Variants in PDHX observed in about 807,000 individuals in gnomAD.
PDHX encodes the protein pyruvate dehydrogenase protein X component, mitochondrial.
A neutral mutation model predicts 55.3 loss-of-function variants in PDHX; 33 were observed. The observed-to-expected ratio is 0.60, with a 90% CI of 0.45 to 0.80. PDHX has a LOEUF of 0.80. PDHX is among the 30% of genes least tolerant of loss of function. The pLI, the probability that PDHX is intolerant of heterozygous loss-of-function variation, is 0.00. For missense variants in PDHX, 622 were observed against 619.9 expected, an observed-to-expected ratio of 1.00 and a Z score of -0.04; for synonymous variants, 226 against 219.4, an observed-to-expected ratio of 1.03 and a Z score of -0.27.
intron 2 of PDHX, among the ~76,000 whole-genome samples, chr11:34,946,289 T>G (rs1454946395): frequency 6.6e-6 from 1 of 152,178 alleles, no homozygotes; most frequent in Non-Finnish European, 1.5e-5. Flanking sequence ...ATACCATTTT[T>G]TTTTAATTTC....
intron 3 of PDHX, among the ~76,000 whole-genome samples, chr11:34,951,148 C>T (rs1590746575): frequency 6.6e-6 from 1 of 150,738 alleles, no homozygotes; most frequent in Non-Finnish European, 1.5e-5. Context: ...GCTCCGCCTC[C>T]CGGGTTCACG....
At chr11:34,943,654 C>T (rs1854546892) in intron 2 of PDHX, among the ~76,000 whole-genome samples, 2 of 152,128 alleles carry the variant, frequency 1.3e-5, no homozygotes, top group Non-Finnish European at 2.9e-5. Flanking sequence ...TGGTCTCTTC[C>T]TGCATATCTT....
chr11:34,972,849 G>A (rs1234345565), intron 7 of PDHX, among the ~76,000 whole-genome samples: 1 of 152,014 alleles, frequency 6.6e-6, no homozygotes, highest in Non-Finnish European at 1.5e-5. Flanking sequence ...TAACTACATT[G>A]TGTTTAGAGA....
intron 8 of PDHX, among the ~76,000 whole-genome samples, chr11:34,983,109 G>GTGGT (rs1855556059): frequency 6.6e-6 from 1 of 152,168 alleles, no homozygotes. Context: ...GGATGCAAGG[G>GTGGT]TGGTTCAACA....
intron 8 of PDHX, among the ~76,000 whole-genome samples, chr11:34,979,919 T>G (rs944843771): frequency 6.6e-6 from 1 of 151,806 alleles, no homozygotes; most frequent in Non-Finnish European, 1.5e-5. Context: ...CATTTCAATA[T>G]TATAAATTTT....
At chr11:34,967,095 A>C (rs2133981192) in intron 6 of PDHX, among the ~76,000 whole-genome samples, 2 of 151,940 alleles carry the variant, frequency 1.3e-5, no homozygotes, top group South Asian at 4.2e-4. Flanking sequence ...CAGGTGATCC[A>C]CCCGCCTTGG....
chr11:34,939,084 G>T (rs1854408427), intron 2 of PDHX, among the ~76,000 whole-genome samples: 1 of 152,052 alleles, frequency 6.6e-6, no homozygotes, highest in Admixed American at 6.5e-5. Context: ...GTATACATGG[G>T]TGTCAATATA....
chr11:34,919,943 ATTTGTAGTCTC>A (rs1337665719), intron 1 of PDHX, among the ~76,000 whole-genome samples: 1 of 152,182 alleles, frequency 6.6e-6, no homozygotes, highest in Non-Finnish European at 1.5e-5. Context: ...TCCTTAAGGT[ATTTGTAGTCTC>A]TTTGGGGACA....
chr11:34,950,352 GTTTA>G (rs200716937), intron 3 of PDHX, among the ~76,000 whole-genome samples: 1,503 of 150,140 alleles, frequency 0.01, 23 homozygotes, highest in African/African-American at 0.034. Context: ...TTTAATGTTT[GTTTA>G]TTTATTTATT....
chr11:34,929,942 G>A lies in PDHX; in HGVS notation c.161-1462G>A, dbSNP rs147643330. Among the ~76,000 whole-genome samples, 320 of 152,316 alleles carry A rather than the reference G, an allele frequency of 2.1e-3. 3 individuals are homozygous for A. Among genetic ancestry groups the A allele is most frequent in the African/African-American group, 7.3e-3 (304 of 41,572 alleles). On this transcript the variant is annotated intron_variant, in intron 1 of 10. Coordinates refer to ENST00000227868, the MANE Select transcript of PDHX (RefSeq NM_003477.3). ...TTGGAGAATGTGACTTAGATCTGTG[G>A]CCTTCTAAGACTGGGCTTCTTAGTA...
chr11:34,950,017 G>C (rs951396636), intron 3 of PDHX, among the ~76,000 whole-genome samples: 3 of 151,782 alleles, frequency 2.0e-5, no homozygotes, highest in Non-Finnish European at 4.4e-5. Flanking sequence ...ATTATTCTCG[G>C]TACTATTCAC....
At chr11:34,929,099 A>G (rs1018624814) in intron 1 of PDHX, among the ~76,000 whole-genome samples, 32 of 152,180 alleles carry the variant, frequency 2.1e-4, no homozygotes, top group African/African-American at 7.7e-4. Context: ...TGTCTTCCAA[A>G]ATAACGGTGT....
intron 8 of PDHX, among the ~76,000 whole-genome samples, chr11:34,981,044 A>C (rs1855499690): frequency 6.6e-6 from 1 of 152,062 alleles, no homozygotes; most frequent in African/African-American, 2.4e-5. Flanking sequence ...ACATGTGCAC[A>C]ATGTGCAGGT....
intron 1 of PDHX, among the ~76,000 whole-genome samples, chr11:34,922,228 G>A (rs1462897493): frequency 2.0e-5 from 3 of 152,210 alleles, no homozygotes. Flanking sequence ...AAGGGGATGG[G>A]TGTGGAATCA....
At chr11:34,994,076 GAT>G (rs1855811167) in intron 10 of PDHX, among the ~76,000 whole-genome samples, 1 of 152,058 alleles carries the variant, frequency 6.6e-6, no homozygotes, top group African/African-American at 2.4e-5. Flanking sequence ...TTATGATGGG[GAT>G]ATGAGAAATG....
intron 9 of PDHX, among the ~76,000 whole-genome samples, chr11:34,987,002 G>C (rs1340670198): frequency 1.3e-5 from 2 of 152,138 alleles, no homozygotes; most frequent in Non-Finnish European, 2.9e-5. Flanking sequence ...ATGAAATTGA[G>C]GAGATTCAGT....
intron 2 of PDHX, among the ~76,000 whole-genome samples, chr11:34,934,935 A>T (rs1014782800): frequency 3.5e-3 from 522 of 151,164 alleles, no homozygotes; most frequent in African/African-American, 0.012. Context: ...TGATTATTAA[A>T]AAAAAAAAAT....
chr11:34,994,966 C>G lies in PDHX; in HGVS notation c.1300C>G (p.Pro434Ala), dbSNP rs372175732. 4.9e-5 allele frequency: 79 copies of G among 1,613,804 alleles called. No individual in the cohort carries two copies. Among genetic ancestry groups the G allele is most frequent in the Non-Finnish European group, 6.0e-5 (71 of 1,179,898 alleles). Reference protein sequence around the residue: ...GIDEFTAVINPPQACILAVGR... With the variant: ...GIDEFTAVINAPQACILAVGR... ...CGACGAATTTACTGCAGTGATTAAC[C>G]CTCCTCAGGCCTGCATTTTGGCGGT... Residue 434 changes from proline to alanine, a missense_variant, in exon 11 of 11, where the codon CCT becomes GCT. Physicochemically the swap from Pro to Ala is conservative, Grantham distance 27 (BLOSUM62 -1). Coordinates refer to ENST00000227868, the MANE Select transcript of PDHX (RefSeq NM_003477.3).
intron 3 of PDHX, among the ~76,000 whole-genome samples, chr11:34,952,006 G>A (rs1854784169): frequency 6.6e-6 from 1 of 152,028 alleles, no homozygotes; most frequent in Non-Finnish European, 1.5e-5. Context: ...TCAAATAGTT[G>A]TAGATATGCG....
Sources: allele counts gnomAD v4.1 joint callset (sites outside exome capture counted in the v4.1 genomes callset), GRCh38; gene constraint gnomAD v4.1.1; transcripts MANE v1.5; gene names NCBI Gene and HGNC (gene_info 2026-07-23, HGNC 2026-07-21).